Variants in SUV39H2 observed in about 807,000 individuals in gnomAD.
SUV39H2 encodes SUV39H2 histone lysine methyltransferase, also known as histone-lysine N-methyltransferase SUV39H2.
A neutral mutation model predicts 47.5 loss-of-function variants in SUV39H2; 10 were observed. The ratio of observed to expected loss-of-function variants is 0.21; its 90% CI spans 0.13 to 0.36. SUV39H2 has a LOEUF of 0.36. SUV39H2 is among the 10% of genes least tolerant of loss of function. SUV39H2 has a pLI of 1.00. For missense variants in SUV39H2, 266 were observed against 487.4 expected, an observed-to-expected ratio of 0.55 and a Z score of 4.28; for synonymous variants, 159 against 166.8, an observed-to-expected ratio of 0.95 and a Z score of 0.36.
At chr10:14,900,431 T>C (rs1477973204) in intron 4 of SUV39H2, among the ~76,000 whole-genome samples, 1 of 152,212 alleles carries the variant, frequency 6.6e-6, no homozygotes, top group African/African-American at 2.4e-5. Context: ...GTTAAACTTC[T>C]GATGGATTTC....
intron 2 of SUV39H2, among the ~76,000 whole-genome samples, chr10:14,883,704 CAAAAAAAAAAAAAAAA>C (rs58522342): frequency 8.0e-5 from 4 of 50,028 alleles, no homozygotes; most frequent in South Asian, 6.7e-4. Flanking sequence ...GACTCAGTCT[CAAAAAAAAAAAAAAAA>C]AAAAAAAAAA....
chr10:14,901,700 G>T (rs941500480), intron 5 of SUV39H2, among the ~76,000 whole-genome samples: 1 of 151,894 alleles, frequency 6.6e-6, no homozygotes, highest in African/African-American at 2.4e-5. Flanking sequence ...GCGTGGTGGC[G>T]TGTGCCTGTA....
At chr10:14,880,694 C>T (rs975782590) in intron 1 of SUV39H2, among the ~76,000 whole-genome samples, 2 of 152,140 alleles carry the variant, frequency 1.3e-5, no homozygotes, top group Non-Finnish European at 2.9e-5. Flanking sequence ...AGGGTGAAAT[C>T]TTCTGGAACG....
At chr10:14,888,611 G>A (rs535722722) in intron 2 of SUV39H2, among the ~76,000 whole-genome samples, 11 of 151,966 alleles carry the variant, frequency 7.2e-5, no homozygotes, top group African/African-American at 2.7e-4. Flanking sequence ...ACTCCAACCT[G>A]GTGACAGAGC....
At chr10:14,899,278 C>CCA in intron 3 of SUV39H2, 2 of 702,264 alleles carry the variant, frequency 2.8e-6, no homozygotes, top group Non-Finnish European at 5.2e-6. Flanking sequence ...CATGATGGCA[C>CCA]CACCGCATTC....
chr10:14,882,314 C>T (rs1285488501), intron 2 of SUV39H2, among the ~76,000 whole-genome samples: 1 of 152,224 alleles, frequency 6.6e-6, no homozygotes, highest in Non-Finnish European at 1.5e-5. Flanking sequence ...CCAAATCTAT[C>T]AGATAAGTGA....
intron 5 of SUV39H2, 80 bp from the exon 6 acceptor site, chr10:14,902,326 C>G (rs770676290): frequency 7.4e-6 from 7 of 942,648 alleles, no homozygotes; most frequent in Non-Finnish European, 1.1e-5. Flanking sequence ...GATAATAAAG[C>G]TAATATAATA....
At chr10:14,879,158 G>A (rs1054750654) in intron 1 of SUV39H2, 51 of 1,207,732 alleles carry the variant, frequency 4.2e-5, no homozygotes, top group East Asian at 6.9e-5. Context: ...GGGCACTTCG[G>A]AAGTGGAGCG....
In SUV39H2 at chr10:14,880,494, A is replaced by C. The variant is rs1312018234; in HGVS notation, c.32-1006A>C. Among the ~76,000 whole-genome samples, 4 of 152,224 alleles carry C rather than the reference A, an allele frequency of 2.6e-5. No homozygotes were observed. The East Asian group carries it at 7.7e-4, about 29-fold the overall frequency. ...TCCATTTTTTTCCAGTGAATCTGAC[A>C]GCCAAAAAGATTGAGACCTCACTAA... On this transcript the variant is annotated intron_variant, in intron 1 of 5. Transcript: ENST00000354919.
intron 2 of SUV39H2, among the ~76,000 whole-genome samples, chr10:14,890,444 G>A (rs1248895064): frequency 2.0e-5 from 3 of 152,202 alleles, no homozygotes; most frequent in Non-Finnish European, 4.4e-5. Flanking sequence ...CCAAGCTGGA[G>A]TGCAGTAGCC....
Position 14,901,114 on chromosome 10 carries a change from T to C in SUV39H2, c.997-19T>C. On this transcript the variant is annotated intron_variant, in intron 4 of 5. Transcript: ENST00000354919. The stretch of plus-strand genomic sequence containing the variant: ...TTTACACCGTTTGTACTTAAATGGG[T>C]TCTAATGTTCCTTTTTAGTGTGACC... 3 of 1,613,224 alleles carry C rather than the reference T, an allele frequency of 1.9e-6. No homozygotes were observed. Among genetic ancestry groups the C allele is most frequent in the African/African-American group, 2.7e-5 (2 of 74,994 alleles).
intron 1 of SUV39H2, among the ~76,000 whole-genome samples, chr10:14,879,514 G>A (rs371018565): frequency 3.3e-5 from 5 of 152,318 alleles, no homozygotes; most frequent in East Asian, 3.9e-4. Flanking sequence ...GGTATTTGAG[G>A]TTGCAGCCTC....
intron 3 of SUV39H2, chr10:14,898,061 A>G (rs1363187852): frequency 6.6e-6 from 1 of 151,166 alleles, no homozygotes; most frequent in Non-Finnish European, 1.5e-5. Context: ...AAATACTAGC[A>G]AATTTATTTG....
At chr10:14,900,646 T>G (rs552474348) in intron 4 of SUV39H2, among the ~76,000 whole-genome samples, 1 of 152,366 alleles carries the variant, frequency 6.6e-6, no homozygotes, top group African/African-American at 2.4e-5. Flanking sequence ...ACTGTAGTAT[T>G]CTCAAAACAT....
rs1204401959 is a variant in SUV39H2 at position 14,894,270 on chromosome 10, T to TA, written c.178-2575dup. Reference sequence around the variant, plus strand: ...ACCGCAATATATATTTCCACAGAATTACAGTTTTTGTGCATTTCTGCACAC... The same window carrying TA: ...ACCGCAATATATATTTCCACAGAATTAACAGTTTTTGTGCATTTCTGCACAC... On this transcript the variant is annotated intron_variant, in intron 2 of 5. Coordinates refer to ENST00000354919, the MANE Select transcript of SUV39H2 (RefSeq NM_001193424.2). 1.3e-5 allele frequency among the ~76,000 whole-genome samples: 2 copies of TA among 149,682 alleles called. 1 individual carries two copies. Among genetic ancestry groups the TA allele is most frequent in the Non-Finnish European group, 3.0e-5 (2 of 67,468 alleles).
chr10:14,901,329 C>T (rs1160565838), intron 5 of SUV39H2, 67 bp downstream of exon 5: 2 of 1,593,066 alleles, frequency 1.3e-6, no homozygotes, highest in Non-Finnish European at 1.7e-6. Context: ...AGACTAGGAA[C>T]AGACCTTAGA....
intron 3 of SUV39H2, chr10:14,898,618 G>C (rs1416395554): frequency 2.6e-5 from 4 of 152,176 alleles, no homozygotes; most frequent in African/African-American, 9.6e-5. Context: ...AATTTTTTAA[G>C]TTGCATTCTT....
At chr10:14,888,065 C>T (rs988392793) in intron 2 of SUV39H2, among the ~76,000 whole-genome samples, 2 of 152,004 alleles carry the variant, frequency 1.3e-5, no homozygotes, top group African/African-American at 2.4e-5. Context: ...CCTCATAGGC[C>T]GAGGAAAGGA....
chr10:14,879,435 C>T (rs1369835377), intron 1 of SUV39H2, among the ~76,000 whole-genome samples: 1 of 152,172 alleles, frequency 6.6e-6, no homozygotes, highest in African/African-American at 2.4e-5. Context: ...AGGGGATAAG[C>T]GAGGAATCCC....
Sources: allele counts gnomAD v4.1 joint callset (sites outside exome capture counted in the v4.1 genomes callset), GRCh38; gene constraint gnomAD v4.1.1; transcripts MANE v1.5; gene names NCBI Gene and HGNC (gene_info 2026-07-23, HGNC 2026-07-21).